Variants in TTC28 observed in about 807,000 individuals in gnomAD.
TTC28 encodes the protein tetratricopeptide repeat protein 28.
Under a neutral mutation model 198.0 loss-of-function variants are expected in TTC28, and 61 were observed. The ratio of observed to expected loss-of-function variants is 0.31; its 90% CI spans 0.25 to 0.38. The LOEUF (loss-of-function observed/expected upper bound fraction) is 0.38, where lower values mean the gene tolerates loss of function less well. Ranked by LOEUF, TTC28 falls within the 10% of genes least tolerant of loss-of-function variation. The probability of loss-of-function intolerance (pLI) is 1.00; values close to 1 mark genes in which losing one functional copy is unlikely to be tolerated. For synonymous variants in TTC28, 1,171 were observed against 1,297.8 expected, an observed-to-expected ratio of 0.90 and a Z score of 2.10; for missense variants, 2,678 against 3,164.0, an observed-to-expected ratio of 0.85 and a Z score of 3.69.
At chr22:28,350,099 C>T (rs1207315046) in intron 2 of TTC28, among the ~76,000 whole-genome samples, 1 of 152,196 alleles carries the variant, frequency 6.6e-6, no homozygotes, top group South Asian at 2.1e-4. Context: ...GAAACAGGTC[C>T]ATTATCTCTC....
At chr22:28,381,535 T>G (rs1209051782) in intron 2 of TTC28, among the ~76,000 whole-genome samples, 1 of 152,130 alleles carries the variant, frequency 6.6e-6, no homozygotes, top group Non-Finnish European at 1.5e-5. Context: ...TCTGATGATA[T>G]TTTTTGTGGT....
At chr22:28,653,625 T>C (rs2051598221) in intron 1 of TTC28, among the ~76,000 whole-genome samples, 1 of 152,130 alleles carries the variant, frequency 6.6e-6, no homozygotes, top group Non-Finnish European at 1.5e-5. Flanking sequence ...TTCTTATCTC[T>C]CATTTGTTCT....
In TTC28 at chr22:28,107,869, T is replaced by C; in HGVS notation, c.1976A>G (p.Gln659Arg). The change falls in exon 7 of 23, where the codon CAG becomes CGG. Residue 659 changes from glutamine (Q) to arginine (R), a missense_variant. Physicochemically the swap from Gln to Arg is conservative, Grantham distance 43 (BLOSUM62 1). Around this residue, in one of 8 missense-constraint regions of TTC28, gnomAD observed 775 missense variants for 845.9 expected, o/e 0.92. Transcript: ENST00000397906. ...NYQEAVKYYE[Q>R]DLALAKDLHD... is the part of the protein sequence containing the mutation. ...AAGGTCTTTAGCCAGTGCCAGATCCTGTTCGTAGTACTTCACTGCCTCCTG... is the reference window on the plus strand; with the variant it reads ...AAGGTCTTTAGCCAGTGCCAGATCCCGTTCGTAGTACTTCACTGCCTCCTG... The C allele has an allele frequency of 3.2e-6, 5 of 1,551,850 alleles. No homozygotes were observed. The highest frequency in any genetic ancestry group is 3.5e-6 in the Non-Finnish European group (4 of 1,147,022).
chr22:28,526,607 T>C (rs780527131), intron 2 of TTC28, among the ~76,000 whole-genome samples: 23 of 152,322 alleles, frequency 1.5e-4, no homozygotes, highest in African/African-American at 5.5e-4. Context: ...AGTTAGAGCA[T>C]GAAGGGTCTG....
At chr22:28,270,914 A>C (rs1203958188) in intron 5 of TTC28, among the ~76,000 whole-genome samples, 2 of 152,148 alleles carry the variant, frequency 1.3e-5, no homozygotes, top group Admixed American at 6.5e-5. Context: ...TGGCTCTTCT[A>C]TGGGATCCAT....
At chr22:28,328,585 C>G (rs1403475941) in intron 2 of TTC28, among the ~76,000 whole-genome samples, 1 of 151,486 alleles carries the variant, frequency 6.6e-6, no homozygotes, top group African/African-American at 2.4e-5. Context: ...GAAACCACGT[C>G]TCTACTAAAA....
In TTC28 at chr22:28,230,672, A is replaced by T. The variant is rs117819593; in HGVS notation, c.933+65526T>A. 4.9e-4 allele frequency among the ~76,000 whole-genome samples: 75 copies of T among 152,278 alleles called. 5 individuals carry two copies. The East Asian group carries it at 0.014, about 29-fold the overall frequency. ...GGGGGAGGTTCGAGAGAAATAGGAT[A>T]TTTTCCCTTAGACGTATATCCTATA... On this transcript the variant is annotated intron_variant, in intron 5 of 22. Coordinates refer to ENST00000397906, the MANE Select transcript of TTC28 (RefSeq NM_001145418.2).
At chr22:28,603,503 T>C (rs1293406621) in intron 2 of TTC28, among the ~76,000 whole-genome samples, 2 of 152,144 alleles carry the variant, frequency 1.3e-5, no homozygotes, top group Non-Finnish European at 2.9e-5. Context: ...TCCTCTTGCC[T>C]CAGCCTCCCA....
intron 2 of TTC28, among the ~76,000 whole-genome samples, chr22:28,564,480 A>G (rs1197360598): frequency 6.6e-6 from 1 of 152,112 alleles, no homozygotes; most frequent in African/African-American, 2.4e-5. Context: ...GTTTTATTTC[A>G]ATTTTTAAAG....
chr22:28,611,860 G>C (rs927457647), intron 2 of TTC28, among the ~76,000 whole-genome samples: 1 of 152,066 alleles, frequency 6.6e-6, no homozygotes, highest in Non-Finnish European at 1.5e-5. Flanking sequence ...ACAAGCAAAT[G>C]CAAGAGATTT....
chr22:28,475,695 GAATA>G (rs1276841570), intron 2 of TTC28, among the ~76,000 whole-genome samples: 2 of 152,120 alleles, frequency 1.3e-5, no homozygotes, highest in African/African-American at 2.4e-5. Flanking sequence ...ATCAGATACT[GAATA>G]AATGACAAAT....
chr22:28,035,993 T>C (rs1939326781), intron 12 of TTC28, among the ~76,000 whole-genome samples: 2 of 152,052 alleles, frequency 1.3e-5, no homozygotes, highest in Non-Finnish European at 2.9e-5. Context: ...ACACAGCAAG[T>C]CCTTAGAGAC....
chr22:28,539,778 A>C (rs2049371536), intron 2 of TTC28, among the ~76,000 whole-genome samples: 1 of 152,068 alleles, frequency 6.6e-6, no homozygotes, highest in Admixed American at 6.6e-5. Flanking sequence ...CAGACCTTGC[A>C]TCAGGACAAG....
At chr22:28,278,939 T>C (rs575251320) in intron 5 of TTC28, among the ~76,000 whole-genome samples, 4 of 152,206 alleles carry the variant, frequency 2.6e-5, no homozygotes, top group Non-Finnish European at 5.9e-5. Flanking sequence ...GTGGTTTTCT[T>C]TTCATGGCAT....
At chr22:28,212,210 A>G (rs905996682) in intron 5 of TTC28, among the ~76,000 whole-genome samples, 2 of 152,052 alleles carry the variant, frequency 1.3e-5, no homozygotes, top group African/African-American at 2.4e-5. Context: ...CATCACAATT[A>G]AAAGAACTAG....
At position 28,240,547 on chromosome 22, in the gene TTC28, A is replaced by G. The variant is rs767947114; in HGVS notation, c.933+55651T>C. On this transcript the variant is annotated intron_variant, in intron 5 of 22. Transcript: ENST00000397906. ...CATCTATATACACACAAATACATGTATACATGTATAAATATGTATTTTTCC... is the reference window on the plus strand; with the variant it reads ...CATCTATATACACACAAATACATGTGTACATGTATAAATATGTATTTTTCC... 3.0e-4 allele frequency among the ~76,000 whole-genome samples: 45 copies of G among 152,342 alleles called. 1 individual carries two copies. Among genetic ancestry groups the G allele is most frequent in the South Asian group, 6.2e-4 (3 of 4,818 alleles).
At chr22:28,113,560 T>G (rs1270608695) in intron 6 of TTC28, among the ~76,000 whole-genome samples, 1 of 152,232 alleles carries the variant, frequency 6.6e-6, no homozygotes, top group Non-Finnish European at 1.5e-5. Flanking sequence ...GCCCATCTGC[T>G]TTCAGGACAA....
chr22:28,309,052 G>A (rs1470784577), intron 2 of TTC28, among the ~76,000 whole-genome samples: 8 of 152,228 alleles, frequency 5.3e-5, no homozygotes, highest in Middle Eastern at 3.4e-3. Context: ...ATGTCACTAT[G>A]GAGTTCAAGC....
chr22:28,004,286 G>A (rs1163572018), intron 14 of TTC28, among the ~76,000 whole-genome samples: 2 of 152,218 alleles, frequency 1.3e-5, no homozygotes, highest in Non-Finnish European at 2.9e-5. Context: ...GACCCGCCAT[G>A]CCTTCTCAAG....
Sources: gnomAD v4.1 joint callset for allele counts (sites outside exome capture counted in the v4.1 genomes callset) on GRCh38, gnomAD v4.1.1 for gene constraint, gnomAD v4.1.1 regional missense constraint, MANE v1.5 for transcripts, NCBI Gene and HGNC (gene_info 2026-07-23, HGNC 2026-07-21) for gene names.